The following SNX13 variants were observed in gnomAD, a reference collection of about 807,000 sequenced individuals.
SNX13 encodes the protein sorting nexin 13.
SNX13 carries 45 observed loss-of-function variants against 133.6 expected under a neutral mutation model. That is an observed-to-expected ratio of 0.34 (90% CI 0.27 to 0.43). SNX13 has a LOEUF of 0.43. SNX13 is among the 20% of genes least tolerant of loss of function. The pLI is 1.00. For synonymous variants in SNX13, 414 were observed against 373.9 expected, an observed-to-expected ratio of 1.11 and a Z score of -1.24; for missense variants, 1,032 against 1,145.1, an observed-to-expected ratio of 0.90 and a Z score of 1.43.
chr7:17,834,248 C>A, intron 14 of SNX13, 64 bp from the exon 15 acceptor site: 1 of 1,367,842 alleles, frequency 7.3e-7, no homozygotes, highest in Non-Finnish European at 9.7e-7. Context: ...TTACAAAACA[C>A]AATTTCACCA....
intron 1 of SNX13, among the ~76,000 whole-genome samples, chr7:17,923,310 T>G (rs1800339591): frequency 6.6e-6 from 1 of 152,180 alleles, no homozygotes; most frequent in African/African-American, 2.4e-5. Flanking sequence ...ATAGAAAGTT[T>G]TAAAAAGAAA....
intron 11 of SNX13, among the ~76,000 whole-genome samples, chr7:17,849,527 T>A (rs1379009458): frequency 1.3e-5 from 2 of 152,214 alleles, no homozygotes; most frequent in African/African-American, 4.8e-5. Context: ...TAATGTCACT[T>A]GTCAGGGCAA....
At chr7:17,842,623 G>T (rs375248904) in intron 12 of SNX13, among the ~76,000 whole-genome samples, 100 of 151,858 alleles carry the variant, frequency 6.6e-4, no homozygotes, top group Admixed American at 2.9e-3. Flanking sequence ...CTGGAAAGAC[G>T]AATACGATTT....
At chr7:17,885,201 C>T (rs1795845695) in intron 5 of SNX13, among the ~76,000 whole-genome samples, 1 of 150,574 alleles carries the variant, frequency 6.6e-6, no homozygotes, top group Non-Finnish European at 1.5e-5. Flanking sequence ...ATGAATGAAC[C>T]TTGAAAACAT....
At chr7:17,875,450 A>G (rs1794616491) in intron 7 of SNX13, 30 bp downstream of exon 7, 5 of 1,582,002 alleles carry the variant, frequency 3.2e-6, no homozygotes, top group East Asian at 2.2e-5. Flanking sequence ...GCCAGCTACT[A>G]TTGTCAAAAA....
At chr7:17,834,027 A>T (rs1241852847) in intron 15 of SNX13, 25 bp downstream of exon 15, 1 of 1,455,796 alleles carries the variant, frequency 6.9e-7, no homozygotes, top group East Asian at 2.5e-5. Context: ...TATGCATATT[A>T]TGTGTAAAAT....
At chr7:17,878,225 T>C (rs886597221) in intron 5 of SNX13, among the ~76,000 whole-genome samples, 2 of 152,108 alleles carry the variant, frequency 1.3e-5, no homozygotes, top group African/African-American at 2.4e-5. Flanking sequence ...TATTCCCCCA[T>C]AGAATTCTTA....
intron 20 of SNX13, among the ~76,000 whole-genome samples, chr7:17,806,569 G>A (rs1467322571): frequency 6.6e-6 from 1 of 152,016 alleles, no homozygotes; most frequent in African/African-American, 2.4e-5. Flanking sequence ...CACCAATATG[G>A]TTTATGAAAA....
Position 17,794,034 on chromosome 7 carries a change from A to G in SNX13, c.*11T>C. The G allele has an allele frequency of 6.2e-7, 1 of 1,609,768 alleles. No homozygotes were observed. Among genetic ancestry groups the G allele is most frequent in the East Asian group, 2.2e-5 (1 of 44,790 alleles). On this transcript the variant is annotated 3_prime_UTR_variant, in exon 26 of 26. Transcript: ENST00000428135. ...TGGACAAAATGAACACCAGCTTCAT[A>G]GAGTGGAGTGTCACCTTTTCTGCAA...
At chr7:17,901,514 G>C (rs1797840792) in intron 1 of SNX13, among the ~76,000 whole-genome samples, 1 of 152,152 alleles carries the variant, frequency 6.6e-6, no homozygotes, top group Non-Finnish European at 1.5e-5. Context: ...CTCTGCCTAG[G>C]ACTGGTCCAA....
chr7:17,805,250 T>TGTGTGTGTGTGCGCGCGCGC lies in SNX13; in HGVS notation c.2065-1671_2065-1670insGCGCGCGCGCACACACACAC. On this transcript the variant is annotated intron_variant, in intron 20 of 25. Transcript: ENST00000428135. The stretch of plus-strand genomic sequence containing the variant: ...GTGTGTGTGTGTGTGTGTGTGTGTG[T>TGTGTGTGTGTGCGCGCGCGC]GCGTGCGCGCGCGCGCATGCATGCA... 7.3e-4 allele frequency among the ~76,000 whole-genome samples: 70 copies of TGTGTGTGTGTGCGCGCGCGC among 95,584 alleles called. 3 individuals are homozygous for TGTGTGTGTGTGCGCGCGCGC. Among genetic ancestry groups the TGTGTGTGTGTGCGCGCGCGC allele is most frequent in the Middle Eastern group, 4.9e-3 (1 of 206 alleles). The allele number at this position is 95,584 out of a possible 152,430, so 62.7% of individuals were successfully genotyped here.
At chr7:17,849,458 G>T (rs1177301537) in intron 11 of SNX13, among the ~76,000 whole-genome samples, 2 of 151,954 alleles carry the variant, frequency 1.3e-5, no homozygotes, top group Non-Finnish European at 2.9e-5. Context: ...CTCACACTTT[G>T]TGTCTATTCT....
chr7:17,938,588 C>G lies in SNX13; in HGVS notation c.12+1696G>C, dbSNP rs1802384465. On this transcript the variant is annotated intron_variant, in intron 1 of 25. Transcript: ENST00000428135. ...TTGTGCAGTGTTCACACAAAAAGTA[C>G]TAAAGTACAGTTTACTTAATATTAT... 1.3e-5 allele frequency among the ~76,000 whole-genome samples: 2 copies of G among 152,148 alleles called. 1 individual carries two copies. The highest frequency in any genetic ancestry group is 1.3e-4 in the Admixed American group (2 of 15,276).
At chr7:17,928,418 G>A (rs114604512) in intron 1 of SNX13, among the ~76,000 whole-genome samples, 1,685 of 152,210 alleles carry the variant, frequency 0.011, 36 homozygotes, top group African/African-American at 0.039. Context: ...TATGACATAA[G>A]TTATACTAAC....
chr7:17,905,874 C>T (rs539929094), intron 1 of SNX13, among the ~76,000 whole-genome samples: 20 of 152,322 alleles, frequency 1.3e-4, no homozygotes, highest in African/African-American at 4.6e-4. Context: ...GGTGCCATCA[C>T]AGCTTAATGC....
intron 1 of SNX13, among the ~76,000 whole-genome samples, chr7:17,939,773 A>T (rs1380986778): frequency 6.6e-6 from 1 of 152,212 alleles, no homozygotes; most frequent in Non-Finnish European, 1.5e-5. Flanking sequence ...AGCTTGAGAT[A>T]AAAAAGTCCA....
Position 17,821,538 on chromosome 7 carries a change from G to A in SNX13, c.1816C>T (p.His606Tyr). 1 of 1,613,230 alleles carries A rather than the reference G, an allele frequency of 6.2e-7. No homozygotes were observed. The highest frequency in any genetic ancestry group is 1.1e-5 in the South Asian group (1 of 90,942). ...WKTYRRYSDF[H>Y]DFHMRITEQF... is the part of the protein sequence containing the mutation. ...TCAGTGATTCTCATGTGGAAGTCAT[G>A]GAAGTCACTATAACGACGATAGGTT... Residue 606 changes from histidine to tyrosine, a missense_variant, in exon 18 of 26, where the codon CAT becomes TAT. Transcript: ENST00000428135.
intron 1 of SNX13, among the ~76,000 whole-genome samples, chr7:17,905,160 A>T (rs1219124561): frequency 6.6e-6 from 1 of 152,202 alleles, no homozygotes; most frequent in Non-Finnish European, 1.5e-5. Flanking sequence ...ATGGCTATAC[A>T]ATTAAGAAAA....
In SNX13 at chr7:17,834,928, G is replaced by A. The variant is rs144058286; in HGVS notation, c.1360-63C>T. 2.5e-3 allele frequency: 2,374 copies of A among 949,102 alleles called. 6 individuals are homozygous for A. The highest frequency in any genetic ancestry group is 3.3e-3 in the Non-Finnish European group (2,040 of 621,130). The allele number at this position is 949,102 out of a possible 1,614,324, so 58.8% of individuals were successfully genotyped here. On this transcript the variant is annotated intron_variant, in intron 13 of 25. Transcript: ENST00000428135. ...TCTTAATACAAGATGATACTTGATA[G>A]TATGATAATAATGGAATCATATTAT...
Sources: gnomAD v4.1 joint callset for allele counts (sites outside exome capture counted in the v4.1 genomes callset) on GRCh38, gnomAD v4.1.1 for gene constraint, MANE v1.5 for transcripts, NCBI Gene and HGNC (gene_info 2026-07-23, HGNC 2026-07-21) for gene names.